Variants in GLDC observed in about 807,000 individuals in gnomAD.
The protein encoded by GLDC is glycine decarboxylase.
In GLDC, 104 loss-of-function variants were observed where a neutral mutation model predicts 121.3. That is an observed-to-expected ratio of 0.86 (90% CI 0.73 to 1.01). The LOEUF (loss-of-function observed/expected upper bound fraction) is 1.01, where lower values mean the gene tolerates loss of function less well. Among genes scored for constraint, GLDC ranks in the 50% least tolerant of loss-of-function variants. The pLI is 0.00. For missense variants in GLDC, 1,429 were observed against 1,306.6 expected, an observed-to-expected ratio of 1.09 and a Z score of -1.44; for synonymous variants, 546 against 480.6, an observed-to-expected ratio of 1.14 and a Z score of -1.78.
In GLDC at chr9:6,623,932, G is replaced by A. The variant is rs144011569; in HGVS notation, c.335-3613C>T. Among the ~76,000 whole-genome samples, 900 of 152,358 alleles carry A rather than the reference G, an allele frequency of 5.9e-3. 4 individuals are homozygous for A. The highest frequency in any genetic ancestry group is 0.017 in the Middle Eastern group (5 of 294). On this transcript the variant is annotated intron_variant, in intron 2 of 24. Transcript: ENST00000321612. ...TAGCAGTGCCTTGTAGGCGAGTCCGGCTTCAATTATGATCCTGTGCAGGGG... is the reference window on the plus strand; with the variant it reads ...TAGCAGTGCCTTGTAGGCGAGTCCGACTTCAATTATGATCCTGTGCAGGGG...
chr9:6,597,594 T>A (rs533842201), intron 8 of GLDC, among the ~76,000 whole-genome samples: 35 of 151,170 alleles, frequency 2.3e-4, no homozygotes, highest in Non-Finnish European at 4.7e-4. Context: ...ATATTAAAAA[T>A]AAGAAAAGCC....
chr9:6,631,657 GC>G (rs1210326252), intron 2 of GLDC, among the ~76,000 whole-genome samples: 1 of 152,184 alleles, frequency 6.6e-6, no homozygotes, highest in East Asian at 1.9e-4. Flanking sequence ...CCTCTTTGCT[GC>G]CCCAAAGGTA....
At chr9:6,542,544 T>A (rs1167751009) in intron 21 of GLDC, among the ~76,000 whole-genome samples, 1 of 151,392 alleles carries the variant, frequency 6.6e-6, no homozygotes, top group Non-Finnish European at 1.5e-5. Context: ...AGGCAAAACA[T>A]GCTTTCTAAC....
At position 6,628,779 on chromosome 9, in the gene GLDC, G is replaced by A. The variant is rs538249085; in HGVS notation, c.335-8460C>T. Among the ~76,000 whole-genome samples, 11 of 152,260 alleles carry A rather than the reference G, an allele frequency of 7.2e-5. No individual in the cohort carries two copies. In the South Asian group the frequency reaches 1.7e-3, roughly 23 times the overall value. ...ACTTGGAGACAAGATGGCATCTTCC[G>A]GATCCTTGCCTACAGCTATGCAGGG... is the stretch of plus-strand genomic sequence containing the variant. On this transcript the variant is annotated intron_variant, in intron 2 of 24. Coordinates refer to ENST00000321612, the MANE Select transcript of GLDC (RefSeq NM_000170.3).
At chr9:6,538,695 G>A (rs1241687721) in intron 22 of GLDC, among the ~76,000 whole-genome samples, 1 of 152,190 alleles carries the variant, frequency 6.6e-6, no homozygotes, top group Non-Finnish European at 1.5e-5. Flanking sequence ...GGTGACTTCA[G>A]TTACCACCTC....
At chr9:6,609,194 G>C (rs571091366) in intron 4 of GLDC, among the ~76,000 whole-genome samples, 2 of 152,336 alleles carry the variant, frequency 1.3e-5, no homozygotes, top group African/African-American at 2.4e-5. Context: ...GGAAGCAGAA[G>C]AAATGGAGAA....
At chr9:6,585,479 C>T (rs1818250344) in intron 15 of GLDC, among the ~76,000 whole-genome samples, 1 of 151,980 alleles carries the variant, frequency 6.6e-6, no homozygotes, top group South Asian at 2.1e-4. Flanking sequence ...TCAGCTCCTA[C>T]CTATTTATGA....
At chr9:6,615,173 A>T (rs1818943392) in intron 3 of GLDC, among the ~76,000 whole-genome samples, 2 of 152,182 alleles carry the variant, frequency 1.3e-5, no homozygotes, top group Non-Finnish European at 2.9e-5. Flanking sequence ...GTACTGTCCA[A>T]AGGTTATTCA....
At chr9:6,591,435 T>TAATTCACCAC (rs2129847553) in intron 11 of GLDC, among the ~76,000 whole-genome samples, 1 of 152,340 alleles carries the variant, frequency 6.6e-6, no homozygotes, top group Admixed American at 6.5e-5. Flanking sequence ...GAAGCATGTC[T>TAATTCACCAC]AATTCACCAC....
rs577592529 is a variant in GLDC at position 6,543,143 on chromosome 9, C to G, written c.2570-2997G>C. On this transcript the variant is annotated intron_variant, in intron 21 of 24. Coordinates refer to ENST00000321612, the MANE Select transcript of GLDC (RefSeq NM_000170.3). The stretch of plus-strand genomic sequence containing the variant: ...ATTTAAAAATTAGCCAGGTGTGTGG[C>G]AGACATCTGTAGTTCCAGCTACTTG... 2.0e-5 allele frequency among the ~76,000 whole-genome samples: 3 copies of G among 151,420 alleles called. No individual in the cohort carries two copies. In the South Asian group the frequency reaches 6.3e-4, roughly 32 times the overall value.
intron 2 of GLDC, among the ~76,000 whole-genome samples, chr9:6,641,686 C>T (rs967240210): frequency 2.0e-5 from 3 of 152,164 alleles, no homozygotes; most frequent in African/African-American, 7.2e-5. Context: ...CATGAAAGCA[C>T]GTTAAAGAGT....
intron 8 of GLDC, among the ~76,000 whole-genome samples, 200 bp from the exon 9 acceptor site, chr9:6,595,319 A>T (rs942745412): frequency 6.6e-6 from 1 of 152,208 alleles, no homozygotes; most frequent in African/African-American, 2.4e-5. Context: ...GACACCCTGG[A>T]GTTGTTACTA....
At chr9:6,588,822 G>C in intron 12 of GLDC, 120 bp from the exon 13 acceptor site, 1 of 738,424 alleles carries the variant, frequency 1.4e-6, no homozygotes. Context: ...TTTGGCCACG[G>C]ACAATATGTC....
intron 15 of GLDC, among the ~76,000 whole-genome samples, chr9:6,582,258 C>T (rs1818184369): frequency 6.6e-6 from 1 of 151,218 alleles, no homozygotes; most frequent in African/African-American, 2.4e-5. Context: ...GTGTCTCACG[C>T]CTGTAACCCC....
chr9:6,632,489 C>G (rs1447451727), intron 2 of GLDC, among the ~76,000 whole-genome samples: 1 of 152,176 alleles, frequency 6.6e-6, no homozygotes, highest in Non-Finnish European at 1.5e-5. Flanking sequence ...TATGAATACT[C>G]TGGACTTACA....
At chr9:6,640,587 A>C (rs1437869211) in intron 2 of GLDC, among the ~76,000 whole-genome samples, 1 of 152,226 alleles carries the variant, frequency 6.6e-6, no homozygotes, top group Admixed American at 6.5e-5. Context: ...TCATTCTGAC[A>C]ACTCATCTCC....
At chr9:6,618,692 C>T (rs1176874601) in intron 3 of GLDC, among the ~76,000 whole-genome samples, 2 of 152,110 alleles carry the variant, frequency 1.3e-5, no homozygotes, top group Non-Finnish European at 2.9e-5. Context: ...TTCTCAAATG[C>T]AGGAGAAATG....
rs1248251668 is a variant in GLDC at position 6,607,079 on chromosome 9, T to TA, written c.636-411dup. On this transcript the variant is annotated intron_variant, in intron 4 of 24. Transcript: ENST00000321612. The stretch of plus-strand genomic sequence containing the variant: ...AAAACTCTGTCTCAAAAAAAAAATT[T>TA]AAAAAAAAATTGAGTCATCAGTAAC... Among the ~76,000 whole-genome samples, 6 of 151,348 alleles carry TA rather than the reference T, an allele frequency of 4.0e-5. No individual in the cohort carries two copies. The East Asian group carries it at 5.8e-4, about 15-fold the overall frequency.
In GLDC at chr9:6,603,527, G is replaced by C. The variant is rs559450408; in HGVS notation, c.1058+1061C>G. On this transcript the variant is annotated intron_variant, in intron 7 of 24. Coordinates refer to ENST00000321612, the MANE Select transcript of GLDC (RefSeq NM_000170.3). ...AGCCTGGGTGATGGAGTGAGACTTG[G>C]TCTCAAAATAAATAAATAAATAAAT... is the stretch of plus-strand genomic sequence containing the variant. Among the ~76,000 whole-genome samples the C allele has an allele frequency of 2.1e-3, 308 of 146,518 alleles. 5 individuals carry two copies. Among genetic ancestry groups the C allele is most frequent in the African/African-American group, 6.9e-3 (278 of 40,060 alleles).
Sources: gnomAD v4.1 joint callset for allele counts (sites outside exome capture counted in the v4.1 genomes callset) on GRCh38, gnomAD v4.1.1 for gene constraint, MANE v1.5 for transcripts, NCBI Gene and HGNC (gene_info 2026-07-23, HGNC 2026-07-21) for gene names.